The following NAALADL2 variants were observed in gnomAD, a reference collection of about 807,000 sequenced individuals.
NAALADL2 encodes N-acetylated alpha-linked acidic dipeptidase like 2.
Under a neutral mutation model 87.2 loss-of-function variants are expected in NAALADL2, and 76 were observed. The ratio of observed to expected loss-of-function variants is 0.87; its 90% CI spans 0.72 to 1.05. NAALADL2 has a LOEUF of 1.05. Among genes scored for constraint, NAALADL2 ranks in the 50% least tolerant of loss-of-function variants. The probability of loss-of-function intolerance (pLI) is 0.00; values close to 1 mark genes in which losing one functional copy is unlikely to be tolerated. For synonymous variants in NAALADL2, 354 were observed against 331.0 expected, an observed-to-expected ratio of 1.07 and a Z score of -0.75; for missense variants, 1,089 against 945.8, an observed-to-expected ratio of 1.15 and a Z score of -1.99.
intron 13 of NAALADL2, among the ~76,000 whole-genome samples, chr3:175,793,702 A>G (rs1168659896): frequency 6.6e-6 from 1 of 152,190 alleles, no homozygotes; most frequent in African/African-American, 2.4e-5. Flanking sequence ...CTCATACCAT[A>G]TAGTATTTAT....
At chr3:175,449,701 C>T (rs1281904058) in intron 6 of NAALADL2, among the ~76,000 whole-genome samples, 1 of 152,080 alleles carries the variant, frequency 6.6e-6, no homozygotes, top group Non-Finnish European at 1.5e-5. Flanking sequence ...CCTTAATTTT[C>T]TTCTTAATAT....
At chr3:175,035,413 G>A (rs934561628) in intron 1 of NAALADL2, among the ~76,000 whole-genome samples, 1 of 152,046 alleles carries the variant, frequency 6.6e-6, no homozygotes. Flanking sequence ...CCATCAGTAG[G>A]AGAGCAATAT....
chr3:175,473,552 A>G (rs1725209431), intron 9 of NAALADL2, among the ~76,000 whole-genome samples: 1 of 151,762 alleles, frequency 6.6e-6, no homozygotes, highest in Admixed American at 6.6e-5. Context: ...ATTTTATGGA[A>G]TGAATATAAA....
At chr3:174,571,282 T>C (rs929483341) in intron 2 of NAALADL2, among the ~76,000 whole-genome samples, 2 of 152,216 alleles carry the variant, frequency 1.3e-5, no homozygotes, top group African/African-American at 2.4e-5. Flanking sequence ...TCTTTCGTTT[T>C]TTTAGTGAGA....
At chr3:174,781,403 C>G (rs1715969268) in intron 3 of NAALADL2, among the ~76,000 whole-genome samples, 1 of 151,542 alleles carries the variant, frequency 6.6e-6, no homozygotes, top group African/African-American at 2.4e-5. Flanking sequence ...CTCCCCATCA[C>G]TTTCAGGTAC....
intron 9 of NAALADL2, among the ~76,000 whole-genome samples, chr3:175,480,216 G>A (rs1582065459): frequency 6.6e-6 from 1 of 151,634 alleles, no homozygotes; most frequent in African/African-American, 2.4e-5. Context: ...ACAAATTCTG[G>A]CTCTAAATCT....
At chr3:175,703,307 TA>T (rs1373728316) in intron 11 of NAALADL2, among the ~76,000 whole-genome samples, 1 of 152,228 alleles carries the variant, frequency 6.6e-6, no homozygotes, top group Non-Finnish European at 1.5e-5. Context: ...TCAGGAAGTC[TA>T]TCAAACTGTC....
intron 1 of NAALADL2, among the ~76,000 whole-genome samples, chr3:175,081,549 A>G (rs749825235): frequency 7.9e-5 from 12 of 152,124 alleles, no homozygotes; most frequent in Non-Finnish European, 1.6e-4. Context: ...CTACCAATCT[A>G]AATTTCTTTC....
intron 11 of NAALADL2, among the ~76,000 whole-genome samples, chr3:175,699,286 A>T (rs1380284085): frequency 6.6e-6 from 1 of 151,868 alleles, no homozygotes; most frequent in Non-Finnish European, 1.5e-5. Context: ...ACATATATAT[A>T]ATTATTATAA....
chr3:175,806,056 T>G lies in NAALADL2; in HGVS notation c.*2853T>G, dbSNP rs1257644675. On this transcript the variant is annotated 3_prime_UTR_variant, in exon 14 of 14. Coordinates refer to ENST00000454872, the MANE Select transcript of NAALADL2 (RefSeq NM_207015.3). ...AGCTTCTCTGCTTTCTCATGCAGTATATCTTGCTTCTCCCTGAGGAGACAG... is the reference window on the plus strand; with the variant it reads ...AGCTTCTCTGCTTTCTCATGCAGTAGATCTTGCTTCTCCCTGAGGAGACAG... 5 of 151,948 alleles carry G rather than the reference T, an allele frequency of 3.3e-5. No homozygotes were observed. The highest frequency in any genetic ancestry group is 1.2e-4 in the African/African-American group (5 of 41,418). The allele number at this position is 151,948 out of a possible 1,614,324, so 9.4% of individuals were successfully genotyped here. A position where few individuals can be genotyped will look rare whatever the true frequency, so the allele number is the denominator to read the frequency against.
chr3:174,565,976 T>C (rs1031198828), intron 2 of NAALADL2, among the ~76,000 whole-genome samples: 4 of 152,028 alleles, frequency 2.6e-5, no homozygotes, highest in South Asian at 2.1e-4. Flanking sequence ...TCTGTCTATA[T>C]GCCCTACTTT....
At position 175,446,507 on chromosome 3, in the gene NAALADL2, A is replaced by G. The variant is rs573230750; in HGVS notation, c.1091-722A>G. Among the ~76,000 whole-genome samples, 18 of 152,152 alleles carry G rather than the reference A, an allele frequency of 1.2e-4. No homozygotes were observed. In the East Asian group the frequency reaches 3.1e-3, roughly 26 times the overall value. ...TCCTCCCGCCTTGGCCTCCCAAAGT[A>G]CTGGGATTACAGCCATGAACCACCA... On this transcript the variant is annotated intron_variant, in intron 5 of 13. Coordinates refer to ENST00000454872, the MANE Select transcript of NAALADL2 (RefSeq NM_207015.3).
chr3:175,713,621 C>T (rs759075277), intron 11 of NAALADL2, among the ~76,000 whole-genome samples: 6 of 152,068 alleles, frequency 3.9e-5, no homozygotes, highest in Non-Finnish European at 5.9e-5. Flanking sequence ...AAAGGCAGTT[C>T]CTACACAACT....
chr3:174,750,587 C>T (rs1734729712), intron 3 of NAALADL2, among the ~76,000 whole-genome samples: 1 of 152,052 alleles, frequency 6.6e-6, no homozygotes. Context: ...GTGTGCGCCA[C>T]CATACCTGGC....
chr3:175,767,724 A>T (rs1237853298), intron 13 of NAALADL2: 1 of 152,122 alleles, frequency 6.6e-6, no homozygotes, highest in Non-Finnish European at 1.5e-5. Context: ...GCTTTCTTTA[A>T]GCTAAGTTTC....
At chr3:174,479,327 A>G (rs544857899) in intron 1 of NAALADL2, among the ~76,000 whole-genome samples, 9 of 152,284 alleles carry the variant, frequency 5.9e-5, no homozygotes, top group African/African-American at 9.6e-5. Context: ...GAGTCAAGTA[A>G]TATGCTAAGT....
chr3:175,768,390 C>A (rs1289065192), intron 13 of NAALADL2, among the ~76,000 whole-genome samples: 28 of 152,234 alleles, frequency 1.8e-4, no homozygotes, highest in Admixed American at 1.8e-3. Context: ...GATTACTCAT[C>A]CAGGTAGATG....
At chr3:175,623,207 C>T (rs1222625214) in intron 10 of NAALADL2, among the ~76,000 whole-genome samples, 3 of 152,110 alleles carry the variant, frequency 2.0e-5, no homozygotes, top group South Asian at 2.1e-4. Context: ...ATTGTATATC[C>T]ATGTAAACAC....
At chr3:175,484,199 G>GA (rs906854658) in intron 9 of NAALADL2, among the ~76,000 whole-genome samples, 1 of 151,810 alleles carries the variant, frequency 6.6e-6, no homozygotes, top group Non-Finnish European at 1.5e-5. Flanking sequence ...AACACATTTA[G>GA]AAAAAAATGT....
Sources: gnomAD v4.1 joint callset for allele counts (sites outside exome capture counted in the v4.1 genomes callset) on GRCh38, gnomAD v4.1.1 for gene constraint, MANE v1.5 for transcripts, NCBI Gene and HGNC (gene_info 2026-07-23, HGNC 2026-07-21) for gene names.